The following LASP1 variants were observed in gnomAD, a reference collection of about 807,000 sequenced individuals.
LASP1 encodes LIM and SH3 domain protein 1.
A neutral mutation model predicts 38.6 loss-of-function variants in LASP1; 10 were observed. The ratio of observed to expected loss-of-function variants is 0.26; its 90% confidence interval spans 0.16 to 0.44. The LOEUF is 0.44. Among genes scored for constraint, LASP1 ranks in the 20% least tolerant of loss-of-function variants. LASP1 has a pLI of 1.00. For synonymous variants in LASP1, 132 were observed against 140.8 expected (o/e 0.94, Z 0.44); for missense variants, 243 against 375.7 (o/e 0.65, Z 2.92).
intron 2 of LASP1, among the ~76,000 whole-genome samples, chr17:38,888,123 G>GCAGACC (rs1293493821): frequency 1.3e-5 from 2 of 152,092 alleles, no homozygotes; most frequent in African/African-American, 4.8e-5. Context: ...TGGGGCCCAT[G>GCAGACC]CAGACCCCCA....
chr17:38,900,650 C>T (rs1348741491), intron 4 of LASP1, among the ~76,000 whole-genome samples: 2 of 151,876 alleles, frequency 1.3e-5, no homozygotes, highest in East Asian at 1.9e-4. Context: ...TCCAGCCTGG[C>T]GACAGAGCAA....
intron 2 of LASP1, among the ~76,000 whole-genome samples, chr17:38,886,997 C>T (rs1914159224): frequency 6.6e-6 from 1 of 152,186 alleles, no homozygotes; most frequent in Admixed American, 6.5e-5. Flanking sequence ...GCCTCCCAAA[C>T]TGCTGGGATT....
chr17:38,873,498 C>T (rs757413100), intron 1 of LASP1, among the ~76,000 whole-genome samples: 1 of 152,230 alleles, frequency 6.6e-6, no homozygotes, highest in East Asian at 1.9e-4. Flanking sequence ...TCTTTCTGCT[C>T]AGCTCTTCTG....
chr17:38,890,587 C>T, intron 3 of LASP1, 83 bp downstream of exon 3: 1 of 1,248,780 alleles, frequency 8.0e-7, no homozygotes. Context: ...GCAAGAGTAC[C>T]TTCCCCTGCG....
chr17:38,891,941 C>A (rs1035795222), intron 3 of LASP1, among the ~76,000 whole-genome samples: 1 of 150,810 alleles, frequency 6.6e-6, no homozygotes, highest in South Asian at 2.1e-4. Flanking sequence ...AAAAAAAAAA[C>A]GAGCAGAGAT....
rs964907681 is a variant in LASP1, at chr17:38,921,064, G to A, written c.*2286G>A. On this transcript the variant is annotated 3_prime_UTR_variant, in exon 7 of 7. Transcript: ENST00000318008. ...TCTTCCTGTCCTAAAAATAGGGGCC[G>A]TTTTCTTACACACCCCCAGAGAGAG... 3 of 230,238 alleles carry A rather than the reference G, an allele frequency of 1.3e-5. No individual in the cohort carries two copies. The highest frequency in any genetic ancestry group is 1.2e-4 in the East Asian group (2 of 16,190). The allele number at this position is 230,238 out of a possible 1,614,324, so 14.3% of individuals were successfully genotyped here.
Position 38,919,107 on chromosome 17 carries a change from C to T in LASP1, c.*329C>T. 2.6e-6 allele frequency: 1 copy of T among 386,638 alleles called. No individual in the cohort carries two copies. Among genetic ancestry groups the T allele is most frequent in the South Asian group, 3.2e-5 (1 of 31,636 alleles). 24.0% of individuals were successfully genotyped at this position (386,638 alleles called of 1,614,324 possible). A position where few individuals can be genotyped will look rare whatever the true frequency, so the allele number is the denominator to read the frequency against. ...CTCTGTTCTCTCCCCTCACATCCTC[C>T]TGCCCAGCTCCTCACATACCCACAC... On this transcript the variant is annotated 3_prime_UTR_variant, in exon 7 of 7. Transcript: ENST00000318008.
Position 38,870,126 on chromosome 17 carries a change from G to A in LASP1, c.-64G>A. 12 of 1,594,216 alleles carry A rather than the reference G, an allele frequency of 7.5e-6. No homozygotes were observed. The highest frequency in any genetic ancestry group is 1.7e-4 in the Middle Eastern group (1 of 6,026). Reference sequence around the variant, plus strand: ...TTGCAGCCGCGGCCGCCTCCCGCCAGCTCGCCTCGGGGAACAGGACGCGCG... The same window carrying A: ...TTGCAGCCGCGGCCGCCTCCCGCCAACTCGCCTCGGGGAACAGGACGCGCG... On this transcript the variant is annotated 5_prime_UTR_variant, in exon 1 of 7. Coordinates refer to ENST00000318008, the MANE Select transcript of LASP1 (RefSeq NM_006148.4).
rs573279726 is a variant in LASP1, at chr17:38,870,167, C to T, written c.-23C>T. 6.2e-7 allele frequency: 1 copy of T among 1,612,936 alleles called. No individual in the cohort carries two copies. Among genetic ancestry groups the T allele is most frequent in the South Asian group, 1.1e-5 (1 of 91,034 alleles). ...AGGACGCGCGTGAGCTCAGGCGTCC[C>T]CGCCCCAGCTTTTCTCGGAACCATG... On this transcript the variant is annotated 5_prime_UTR_variant, in exon 1 of 7. Transcript: ENST00000318008.
At chr17:38,893,156 C>T (rs1171871299) in intron 3 of LASP1, among the ~76,000 whole-genome samples, 1 of 152,204 alleles carries the variant, frequency 6.6e-6, no homozygotes, top group East Asian at 1.9e-4. Flanking sequence ...GTGCAGAGCC[C>T]AGGGACAGGG....
Position 38,894,964 on chromosome 17 carries a change from C to T in LASP1, c.250-3448C>T, listed in dbSNP as rs1190256337. On this transcript the variant is annotated intron_variant, in intron 3 of 6. Transcript: ENST00000318008. ...TGTTGCCCAGGCTTGTTTCAAACTC[C>T]TGACCTCAAGTGATCTGCCCACCTC... Among the ~76,000 whole-genome samples the T allele has an allele frequency of 3.3e-5, 5 of 152,168 alleles. No homozygotes were observed. The East Asian group carries it at 5.8e-4, about 18-fold the overall frequency.
rs561161619 is a variant in LASP1 at position 38,887,323 on chromosome 17, C to T, written c.165-3097C>T. ...TCTGATGTTGGGAGGAGGGTCGTCTCGTCTCTGAAGCGCTCCCTCTTAGGG... is the reference window on the plus strand; with the variant it reads ...TCTGATGTTGGGAGGAGGGTCGTCTTGTCTCTGAAGCGCTCCCTCTTAGGG... On this transcript the variant is annotated intron_variant, in intron 2 of 6. Coordinates refer to ENST00000318008, the MANE Select transcript of LASP1 (RefSeq NM_006148.4). 3.9e-5 allele frequency among the ~76,000 whole-genome samples: 6 copies of T among 152,172 alleles called. No individual in the cohort carries two copies. In the South Asian group the frequency reaches 1.0e-3, roughly 26 times the overall value.
intron 2 of LASP1, among the ~76,000 whole-genome samples, chr17:38,883,798 C>T (rs1440004537): frequency 7.2e-6 from 1 of 138,904 alleles, no homozygotes; most frequent in Non-Finnish European, 1.5e-5. Context: ...GTAAGTTCTT[C>T]CTCAAGTCTA....
Position 38,915,108 on chromosome 17 carries a change from C to G in LASP1, c.574C>G (p.Pro192Ala). The G allele has an allele frequency of 6.2e-7, 1 of 1,613,954 alleles. No individual in the cohort carries two copies. Among genetic ancestry groups the G allele is most frequent in the Non-Finnish European group, 8.5e-7 (1 of 1,179,996 alleles). Reference sequence around the variant, plus strand: ...TGGTGGCTACAAGGAGCCTGCAGCCCCAGTCTCCATACAGCGCAGCGCCCC... The same window carrying G: ...TGGTGGCTACAAGGAGCCTGCAGCCGCAGTCTCCATACAGCGCAGCGCCCC... The part of the protein sequence containing the change: ...SYGGYKEPAA[P>A]VSIQRSAPGG... Residue 192 changes from proline (P) to alanine (A), a missense_variant, in exon 6 of 7, where the codon CCA (proline) becomes GCA (alanine). Physicochemically the swap from Pro to Ala is conservative, Grantham distance 27 (BLOSUM62 -1). Transcript: ENST00000318008.
At chr17:38,883,221 A>G (rs1261278659) in intron 2 of LASP1, among the ~76,000 whole-genome samples, 1 of 152,086 alleles carries the variant, frequency 6.6e-6, no homozygotes, top group Non-Finnish European at 1.5e-5. Flanking sequence ...TCTACAAAAA[A>G]TGAAATAAAT....
intron 2 of LASP1, among the ~76,000 whole-genome samples, chr17:38,882,215 A>G (rs886936591): frequency 2.6e-5 from 4 of 152,202 alleles, no homozygotes; most frequent in Admixed American, 2.0e-4. Flanking sequence ...CTTCTGCACA[A>G]TAGCCAGTGG....
chr17:38,877,646 C>G (rs1567695090), intron 1 of LASP1, among the ~76,000 whole-genome samples: 1 of 152,174 alleles, frequency 6.6e-6, no homozygotes, highest in African/African-American at 2.4e-5. Flanking sequence ...GGGCCTTCCT[C>G]TTCTGAGGCC....
chr17:38,875,530 C>T (rs530113684), intron 1 of LASP1, among the ~76,000 whole-genome samples: 45 of 152,252 alleles, frequency 3.0e-4, no homozygotes, highest in African/African-American at 1.1e-3. Context: ...AAGCTTAGAC[C>T]CGCCACTTCT....
intron 1 of LASP1, among the ~76,000 whole-genome samples, chr17:38,875,564 C>G (rs1256331885): frequency 6.6e-6 from 1 of 152,152 alleles, no homozygotes; most frequent in African/African-American, 2.4e-5. Flanking sequence ...TCCGGCTGGC[C>G]GTCCTCCCCA....
Sources: allele counts gnomAD v4.1 joint callset (sites outside exome capture counted in the v4.1 genomes callset), GRCh38; gene constraint gnomAD v4.1.1; transcripts MANE v1.5; gene names NCBI Gene and HGNC (gene_info 2026-07-23, HGNC 2026-07-21).